Variants in PMS1 observed in about 807,000 individuals in gnomAD.
PMS1 encodes PMS1 homolog 1, mismatch repair system component, also known as PMS1 protein homolog 1.
PMS1 carries 79 observed loss-of-function variants against 93.1 expected under a neutral mutation model. That is an observed-to-expected ratio of 0.85 (90% CI 0.71 to 1.02). The LOEUF (loss-of-function observed/expected upper bound fraction) is 1.02, where lower values mean the gene tolerates loss of function less well. Among genes scored for constraint, PMS1 ranks in the 50% least tolerant of loss-of-function variants. The probability of loss-of-function intolerance (pLI) is 0.00; values close to 1 mark genes in which losing one functional copy is unlikely to be tolerated. For missense variants in PMS1, 1,064 were observed against 1,085.3 expected (o/e 0.98, Z 0.28); for synonymous variants, 335 against 363.4 (o/e 0.92, Z 0.89).
chr2:189,863,260 T>G (rs1013081181), intron 9 of PMS1, among the ~76,000 whole-genome samples: 12 of 148,878 alleles, frequency 8.1e-5, no homozygotes, highest in Admixed American at 3.3e-4. Flanking sequence ...TTTTTTTGGT[T>G]TTTTTTTTTT....
chr2:189,833,690 TATG>T (rs1352245850), intron 5 of PMS1, among the ~76,000 whole-genome samples: 2 of 152,220 alleles, frequency 1.3e-5, no homozygotes, highest in Non-Finnish European at 2.9e-5. Context: ...GTTATAATGA[TATG>T]ATTATTTTTA....
chr2:189,855,109 A>G lies in PMS1; in HGVS notation c.1837A>G (p.Ser613Gly). The G allele has an allele frequency of 6.2e-7, 1 of 1,613,290 alleles. No individual in the cohort carries two copies. The highest frequency in any genetic ancestry group is 8.5e-7 in the Non-Finnish European group (1 of 1,179,458). The change falls in exon 9 of 13, where the codon AGT becomes GGT. Residue 613 changes from serine (S) to glycine (G), a missense_variant. Physicochemically the swap from Ser to Gly is moderately conservative, Grantham distance 56. Transcript: ENST00000441310. ...LQIEELWKTL[S>G]EEEKLKYEEK... ...AATTGAAGAACTGTGGAAGACATTGAGTGAAGAGGAAAAACTGAAGTAAGT... is the reference window on the plus strand; with the variant it reads ...AATTGAAGAACTGTGGAAGACATTGGGTGAAGAGGAAAAACTGAAGTAAGT...
chr2:189,815,563 G>A (rs1231416359), intron 4 of PMS1, among the ~76,000 whole-genome samples: 1 of 152,166 alleles, frequency 6.6e-6, no homozygotes, highest in East Asian at 1.9e-4. Context: ...TTGTGAAGAA[G>A]GTGCCTGCTT....
intron 3 of PMS1, among the ~76,000 whole-genome samples, chr2:189,802,022 G>A (rs947139816): frequency 2.0e-5 from 3 of 152,052 alleles, no homozygotes; most frequent in South Asian, 2.1e-4. Context: ...TCTTCATCCC[G>A]TAGTGTTAGT....
intron 4 of PMS1, among the ~76,000 whole-genome samples, chr2:189,808,345 TGAGACA>T (rs2050524112): frequency 6.6e-6 from 1 of 152,156 alleles, no homozygotes; most frequent in African/African-American, 2.4e-5. Context: ...ATTCTTATTT[TGAGACA>T]GAGTCTTACT....
chr2:189,812,193 C>A (rs577879968), intron 4 of PMS1, among the ~76,000 whole-genome samples: 4 of 151,968 alleles, frequency 2.6e-5, no homozygotes, highest in Non-Finnish European at 5.9e-5. Flanking sequence ...CCCAGCTACT[C>A]GGGAGGGTGA....
chr2:189,871,585 C>A (rs1338845104), intron 11 of PMS1, among the ~76,000 whole-genome samples: 2 of 152,216 alleles, frequency 1.3e-5, no homozygotes, highest in African/African-American at 2.4e-5. Context: ...TTAGTCACAA[C>A]CATTTAACCA....
intron 4 of PMS1, among the ~76,000 whole-genome samples, chr2:189,817,613 A>G (rs983400021): frequency 6.6e-6 from 1 of 152,230 alleles, no homozygotes; most frequent in African/African-American, 2.4e-5. Context: ...TATTTCAGGT[A>G]AGAATTTCCA....
chr2:189,828,823 A>G (rs562685504), intron 5 of PMS1, among the ~76,000 whole-genome samples: 1 of 151,956 alleles, frequency 6.6e-6, no homozygotes, highest in Admixed American at 6.6e-5. Flanking sequence ...ACATTTGATG[A>G]CAGAGTTCAC....
At chr2:189,792,826 T>G (rs1033120076) in intron 2 of PMS1, among the ~76,000 whole-genome samples, 1 of 151,406 alleles carries the variant, frequency 6.6e-6, no homozygotes, top group Non-Finnish European at 1.5e-5. Flanking sequence ...TTTTTTATTT[T>G]TTTGAGGCAG....
chr2:189,784,710 C>G (rs2048108324), intron 1 of PMS1, 117 bp downstream of exon 1: 1 of 152,592 alleles, frequency 6.6e-6, no homozygotes, highest in Non-Finnish European at 1.5e-5. Flanking sequence ...GCGCTCCCCG[C>G]GGGGCGGGAA....
chr2:189,857,411 G>C, intron 9 of PMS1: 4 of 455,940 alleles, frequency 8.8e-6, no homozygotes, highest in South Asian at 6.5e-5. Context: ...AGAAGGTAGA[G>C]CAAAAATGAT....
chr2:189,803,252 TAA>T (rs2050052704), intron 3 of PMS1, among the ~76,000 whole-genome samples: 1 of 152,244 alleles, frequency 6.6e-6, no homozygotes, highest in Non-Finnish European at 1.5e-5. Flanking sequence ...GGATATATTC[TAA>T]GTTTTTTCTT....
intron 11 of PMS1, among the ~76,000 whole-genome samples, chr2:189,871,924 A>T (rs1389663101): frequency 6.6e-6 from 1 of 152,190 alleles, no homozygotes; most frequent in Non-Finnish European, 1.5e-5. Flanking sequence ...AGGAGCCAGC[A>T]TGTCACATGG....
At position 189,791,838 on chromosome 2, in the gene PMS1, G is replaced by A. The variant is rs370084230; in HGVS notation, c.29G>A (p.Arg10Gln). The part of the protein sequence containing the change: MKQLPAATV[R>Q]LLSSSQIITS... ...AAACAATTGCCTGCGGCAACAGTTC[G>A]ACTCCTTTCAAGTTCTCAGATCATC... is the stretch of plus-strand genomic sequence containing the variant. Residue 10 changes from arginine (R) to glutamine (Q), a missense_variant, in exon 2 of 13, where the codon CGA becomes CAA. Coordinates refer to ENST00000441310, the MANE Select transcript of PMS1 (RefSeq NM_000534.5). The A allele has an allele frequency of 2.5e-4, 409 of 1,613,910 alleles. 3 individuals carry two copies. In the South Asian group the frequency reaches 2.9e-3, roughly 12 times the overall value.
intron 5 of PMS1, among the ~76,000 whole-genome samples, chr2:189,838,246 T>C (rs962192897): frequency 6.6e-6 from 1 of 152,180 alleles, no homozygotes; most frequent in Admixed American, 6.6e-5. Context: ...AAAAGTGTAA[T>C]TTTAACAGGT....
chr2:189,856,798 T>A (rs948741267), intron 9 of PMS1, among the ~76,000 whole-genome samples: 2 of 152,162 alleles, frequency 1.3e-5, no homozygotes, highest in Non-Finnish European at 2.9e-5. Context: ...ACAGCAGGTA[T>A]CATTCCAGTT....
intron 9 of PMS1, chr2:189,855,967 G>C (rs754562794): frequency 2.2e-6 from 1 of 451,022 alleles, no homozygotes; most frequent in East Asian, 1.4e-4. Context: ...AATTTTAAAC[G>C]TAATCCATCA....
chr2:189,861,365 C>T (rs1402529929), intron 9 of PMS1, among the ~76,000 whole-genome samples: 1 of 149,848 alleles, frequency 6.7e-6, no homozygotes, highest in Non-Finnish European at 1.5e-5. Context: ...TCATCTTAAT[C>T]TGAAAACATC....
Sources: allele counts gnomAD v4.1 joint callset (sites outside exome capture counted in the v4.1 genomes callset), GRCh38; gene constraint gnomAD v4.1.1; transcripts MANE v1.5; gene names NCBI Gene and HGNC (gene_info 2026-07-23, HGNC 2026-07-21).